The following PKHD1L1 variants were observed in gnomAD, a reference collection of about 807,000 sequenced individuals.
The protein encoded by PKHD1L1 is fibrocystin-L.
In PKHD1L1, 434 loss-of-function variants were observed where a neutral mutation model predicts 462.9. The observed-to-expected ratio is 0.94, with a 90% CI of 0.87 to 1.02. PKHD1L1 has a LOEUF of 1.02. Among genes scored for constraint, PKHD1L1 ranks in the 50% least tolerant of loss-of-function variants. PKHD1L1 has a pLI of 0.00. For synonymous variants in PKHD1L1, 1,781 were observed against 1,750.0 expected (o/e 1.02, Z -0.44); for missense variants, 5,202 against 5,096.1 (o/e 1.02, Z -0.63).
At chr8:109,445,869 A>T (rs1382077752) in intron 38 of PKHD1L1, among the ~76,000 whole-genome samples, 2 of 152,210 alleles carry the variant, frequency 1.3e-5, no homozygotes, top group East Asian at 3.9e-4. Context: ...CTATTTAGGA[A>T]CAAAATTCCC....
intron 10 of PKHD1L1, 35 bp downstream of exon 10, chr8:109,394,520 G>A (rs200009645): frequency 5.2e-4 from 696 of 1,341,854 alleles, no homozygotes; most frequent in Non-Finnish European, 3.1e-4. Context: ...TTGCGGGGGT[G>A]GTGGGAAGGC....
At chr8:109,481,356 T>C in intron 55 of PKHD1L1, 77 bp from the exon 56 acceptor site, 1 of 1,365,548 alleles carries the variant, frequency 7.3e-7, no homozygotes, top group Non-Finnish European at 9.7e-7. Flanking sequence ...TCCAGTGACT[T>C]CTGAATTCCT....
At chr8:109,460,728 A>G (rs915775995) in intron 47 of PKHD1L1, among the ~76,000 whole-genome samples, 2 of 152,202 alleles carry the variant, frequency 1.3e-5, no homozygotes, top group African/African-American at 2.4e-5. Flanking sequence ...AAACAAGCCC[A>G]AAATGTCAGT....
At chr8:109,523,631 T>C (rs1333063295) in intron 76 of PKHD1L1, among the ~76,000 whole-genome samples, 2 of 152,226 alleles carry the variant, frequency 1.3e-5, no homozygotes, top group African/African-American at 4.8e-5. Flanking sequence ...TCCATTTGTA[T>C]ACTTTCCTAA....
intron 68 of PKHD1L1, among the ~76,000 whole-genome samples, chr8:109,505,883 C>A (rs998595989): frequency 2.0e-5 from 3 of 152,120 alleles, no homozygotes; most frequent in African/African-American, 7.2e-5. Context: ...TCAGCTTGGG[C>A]AACACAGTGA....
intron 2 of PKHD1L1, among the ~76,000 whole-genome samples, chr8:109,377,250 TG>T (rs113149992): frequency 0.17 from 25,600 of 152,172 alleles, 2,357 homozygotes; most frequent in South Asian, 0.27. Flanking sequence ...CTTTTTATAA[TG>T]TTAGTATTAT....
At chr8:109,472,401 G>T (rs1434898946) in intron 50 of PKHD1L1, among the ~76,000 whole-genome samples, 10 of 151,978 alleles carry the variant, frequency 6.6e-5, no homozygotes, top group Admixed American at 6.6e-4. Flanking sequence ...TTGCTTATTT[G>T]TCTATATTCT....
intron 41 of PKHD1L1, 131 bp from the exon 42 acceptor site, chr8:109,451,993 T>G: frequency 1.4e-6 from 1 of 728,258 alleles, no homozygotes; most frequent in South Asian, 2.5e-5. Context: ...AAAGCATCAA[T>G]CTACACTTTG....
rs756942445 is a variant in PKHD1L1, at chr8:109,454,829, G to A, written c.6851G>A (p.Arg2284Gln). ...TATGGTGCCAAAACACTGGCTGTGCGGGAGGGAATCCTGGATCTGCACGGT... is the reference window on the plus strand; with the variant it reads ...TATGGTGCCAAAACACTGGCTGTGCAGGAGGGAATCCTGGATCTGCACGGT... Reference protein sequence around the residue: ...PVYGAKTLAVREGILDLHGVP... With the variant: ...PVYGAKTLAVQEGILDLHGVP... The change falls in exon 45 of 78, where the codon CGG (arginine) becomes CAG (glutamine). Residue 2284 changes from arginine (R) to glutamine (Q), a missense_variant. Physicochemically the swap from Arg to Gln is conservative, Grantham distance 43. Transcript: ENST00000378402. 46 of 1,613,734 alleles carry A rather than the reference G, an allele frequency of 2.9e-5. No homozygotes were observed. The highest frequency in any genetic ancestry group is 2.2e-4 in the Admixed American group (13 of 60,002).
At chr8:109,369,669 A>G (rs1223898374) in intron 2 of PKHD1L1, among the ~76,000 whole-genome samples, 1 of 152,064 alleles carries the variant, frequency 6.6e-6, no homozygotes, top group Non-Finnish European at 1.5e-5. Flanking sequence ...GAACCACACC[A>G]CAAGTAAAAC....
intron 11 of PKHD1L1, among the ~76,000 whole-genome samples, 182 bp from the exon 12 acceptor site, chr8:109,398,277 G>T (rs1813078777): frequency 6.6e-6 from 1 of 152,008 alleles, no homozygotes. Flanking sequence ...TTGCTTTTTG[G>T]AAGTATGACA....
chr8:109,370,200 C>G (rs966290140), intron 2 of PKHD1L1, among the ~76,000 whole-genome samples: 1 of 152,124 alleles, frequency 6.6e-6, no homozygotes, highest in Non-Finnish European at 1.5e-5. Flanking sequence ...CTCACTGCAA[C>G]CTCTGTCTCC....
chr8:109,504,221 A>G, intron 67 of PKHD1L1, 106 bp from the exon 68 acceptor site: 1 of 663,690 alleles, frequency 1.5e-6, no homozygotes, highest in Non-Finnish European at 2.3e-6. Flanking sequence ...CAAGAGCTCC[A>G]TGTTTAAGGT....
intron 26 of PKHD1L1, 120 bp from the exon 27 acceptor site, chr8:109,429,812 T>C (rs969478224): frequency 4.1e-6 from 3 of 728,748 alleles, no homozygotes; most frequent in Non-Finnish European, 4.6e-6. Context: ...ACAAAAAATA[T>C]AGACTAATTT....
chr8:109,519,404 C>T (rs1162853737), intron 73 of PKHD1L1, among the ~76,000 whole-genome samples: 1 of 152,064 alleles, frequency 6.6e-6, no homozygotes. Flanking sequence ...GTTCTGGCCT[C>T]CGTCCTCATG....
chr8:109,428,547 T>A (rs1421742497), intron 25 of PKHD1L1, among the ~76,000 whole-genome samples: 1 of 151,940 alleles, frequency 6.6e-6, no homozygotes, highest in Non-Finnish European at 1.5e-5. Flanking sequence ...CATAAGGATA[T>A]GGGGGTTATT....
At chr8:109,419,329 A>G (rs912247806) in intron 22 of PKHD1L1, 69 bp downstream of exon 22, 1 of 1,278,606 alleles carries the variant, frequency 7.8e-7, no homozygotes, top group Non-Finnish European at 1.1e-6. Flanking sequence ...AATTATTTTT[A>G]TATTCTGCAG....
chr8:109,441,876 G>A (rs1433367557), intron 34 of PKHD1L1, 131 bp from the exon 35 acceptor site: 10 of 629,030 alleles, frequency 1.6e-5, no homozygotes, highest in Non-Finnish European at 2.4e-5. Flanking sequence ...CTTAAATTAT[G>A]TAAGTAATTA....
intron 50 of PKHD1L1, among the ~76,000 whole-genome samples, chr8:109,471,868 T>G (rs1443519506): frequency 6.6e-6 from 1 of 152,188 alleles, no homozygotes; most frequent in Non-Finnish European, 1.5e-5. Context: ...AAATACACTT[T>G]TTCCATTTGA....
Sources: allele counts gnomAD v4.1 joint callset (sites outside exome capture counted in the v4.1 genomes callset), GRCh38; gene constraint gnomAD v4.1.1; transcripts MANE v1.5; gene names NCBI Gene and HGNC (gene_info 2026-07-23, HGNC 2026-07-21).